LRP8: variants seen among roughly 807,000 people sequenced by gnomAD.
The protein encoded by LRP8 is LDL receptor related protein 8, also known as low-density lipoprotein receptor-related protein 8.
A neutral mutation model predicts 111.6 loss-of-function variants in LRP8; 46 were observed. That is an observed-to-expected ratio of 0.41 (90% confidence interval 0.33 to 0.53). The LOEUF is 0.53. Among genes scored for constraint, LRP8 ranks in the 20% least tolerant of loss-of-function variants. LRP8 has a pLI of 0.20. For synonymous variants in LRP8, 464 were observed against 511.2 expected (o/e 0.91, Z 1.24); for missense variants, 959 against 1,297.4 (o/e 0.74, Z 4.01).
chr1:53,251,233 A>G (rs1286424906), intron 16 of LRP8, among the ~76,000 whole-genome samples: 1 of 152,150 alleles, frequency 6.6e-6, no homozygotes, highest in Non-Finnish European at 1.5e-5. Flanking sequence ...CCCAGTTCCT[A>G]GCACTGACTA....
intron 4 of LRP8, 28 bp from the exon 5 acceptor site, chr1:53,277,106 C>A: frequency 6.9e-7 from 1 of 1,453,466 alleles, no homozygotes; most frequent in Non-Finnish European, 9.0e-7. Context: ...CCGGTCGGCC[C>A]GCCGACCCCC....
chr1:53,251,484 A>T (rs892121560), intron 16 of LRP8, among the ~76,000 whole-genome samples: 9 of 151,828 alleles, frequency 5.9e-5, no homozygotes, highest in Admixed American at 5.9e-4. Flanking sequence ...GACTATGTTA[A>T]TGATTAAAGG....
chr1:53,262,352 T>C lies in LRP8; in HGVS notation c.1774+94A>G. ...TTAGGAAACAAAGTCACTGGCACCA[T>C]GAGAGGACCCAGAAACAAGACTCAT... is the stretch of plus-strand genomic sequence containing the variant. On this transcript the variant is annotated intron_variant, in intron 11 of 18. Transcript: ENST00000306052. This position sits in a 1 kb window ranked among gnomAD's most constrained non-coding sequence, Gnocchi z 4.8. 6.6e-7 allele frequency: 1 copy of C among 1,514,678 alleles called. No individual in the cohort carries two copies. The highest frequency in any genetic ancestry group is 9.1e-7 in the Non-Finnish European group (1 of 1,096,632). 93.8% of individuals were successfully genotyped at this position (1,514,678 alleles called of 1,614,324 possible).
Position 53,246,418 on chromosome 1 carries a change from A to AC in LRP8, c.*599dup, listed in dbSNP as rs1444959025. 1.3e-5 allele frequency: 2 copies of AC among 152,308 alleles called. No homozygotes were observed. The highest frequency in any genetic ancestry group is 2.9e-5 in the Non-Finnish European group (2 of 68,150). The allele number at this position is 152,308 out of a possible 1,614,324, so 9.4% of individuals were successfully genotyped here. A position where few individuals can be genotyped will look rare whatever the true frequency, so the allele number is the denominator to read the frequency against. On this transcript the variant is annotated 3_prime_UTR_variant, in exon 19 of 19. Coordinates refer to ENST00000306052, the MANE Select transcript of LRP8 (RefSeq NM_004631.5). ...CACATACACATATAAACACACACAT[A>AC]CACACACAGAGTCTGTGTGGTGGGC...
chr1:53,314,583 G>A (rs921169182), intron 2 of LRP8, among the ~76,000 whole-genome samples: 4 of 152,210 alleles, frequency 2.6e-5, no homozygotes, highest in African/African-American at 9.7e-5. Flanking sequence ...GAGAGGGCAG[G>A]AGAGCTGCAG....
At chr1:53,274,245 A>G (rs1646847857) in intron 6 of LRP8, among the ~76,000 whole-genome samples, 1 of 152,202 alleles carries the variant, frequency 6.6e-6, no homozygotes, top group South Asian at 2.1e-4. Flanking sequence ...CCACACAGGT[A>G]TGGCCTGAGC....
intron 3 of LRP8, among the ~76,000 whole-genome samples, chr1:53,282,850 T>G (rs1434481408): frequency 6.6e-6 from 1 of 152,096 alleles, no homozygotes; most frequent in Non-Finnish European, 1.5e-5. Context: ...GTGATACAGA[T>G]GTTCCATACA....
chr1:53,264,157 T>C lies in LRP8; in HGVS notation c.1655+12A>G. On this transcript the variant is annotated intron_variant, in intron 10 of 18. Transcript: ENST00000306052. The stretch of plus-strand genomic sequence containing the variant: ...ATGGTGGGAGAATGGGAAGTTCAGT[T>C]GGGACACTCACCCTCGCAGGGGGTC... 1 of 1,613,206 alleles carries C rather than the reference T, an allele frequency of 6.2e-7. No individual in the cohort carries two copies. The highest frequency in any genetic ancestry group is 1.7e-5 in the Admixed American group (1 of 59,982).
rs1654332825 is a variant in LRP8, at chr1:53,320,267, T to C, written c.244+6606A>G. On this transcript the variant is annotated intron_variant, in intron 2 of 18. Coordinates refer to ENST00000306052, the MANE Select transcript of LRP8 (RefSeq NM_004631.5). ...TCAGGAGCCCAAAGCCCTTCGGTAC[T>C]GCAAAAGGCTTGTGTCCACCCCTCA... 3.3e-5 allele frequency among the ~76,000 whole-genome samples: 5 copies of C among 152,196 alleles called. No individual in the cohort carries two copies. The South Asian group carries it at 8.3e-4, about 25-fold the overall frequency.
At chr1:53,314,357 C>T (rs572486536) in intron 2 of LRP8, among the ~76,000 whole-genome samples, 97 of 152,252 alleles carry the variant, frequency 6.4e-4, no homozygotes, top group Non-Finnish European at 1.3e-3. Flanking sequence ...AATGTGCACG[C>T]CACCAGGCCC....
chr1:53,298,707 G>A (rs930787439), intron 2 of LRP8, among the ~76,000 whole-genome samples: 13 of 152,304 alleles, frequency 8.5e-5, no homozygotes, highest in African/African-American at 3.1e-4. Flanking sequence ...GTGGAAACGT[G>A]GCCTCCTCTG....
chr1:53,289,479 T>C (rs12035577), intron 3 of LRP8, 88 bp downstream of exon 3: 611,433 of 1,488,672 alleles, frequency 0.41, 129,635 homozygotes, highest in East Asian at 0.61. Flanking sequence ...TTCAACTGGT[T>C]ACCTCTCCTG....
intron 9 of LRP8, among the ~76,000 whole-genome samples, chr1:53,265,554 T>A (rs1646520703): frequency 6.6e-6 from 1 of 152,208 alleles, no homozygotes; most frequent in African/African-American, 2.4e-5. Flanking sequence ...ATCAGCCCCA[T>A]ATCTAGTCTG....
chr1:53,326,871 A>C lies in LRP8; in HGVS notation c.244+2T>G. On this transcript the variant is annotated splice_donor_variant, in intron 2 of 18. Transcript: ENST00000306052. LOFTEE classifies it high-confidence loss of function. ...GTCTGAGCTCCCTGGCCCGCCACTCACGGCAGTCGTCCTCGTCGCTGTGGT... is the reference window on the plus strand; with the variant it reads ...GTCTGAGCTCCCTGGCCCGCCACTCCCGGCAGTCGTCCTCGTCGCTGTGGT... 6.2e-7 allele frequency: 1 copy of C among 1,611,538 alleles called. No individual in the cohort carries two copies. The highest frequency in any genetic ancestry group is 8.5e-7 in the Non-Finnish European group (1 of 1,179,050).
Position 53,250,541 on chromosome 1 carries a change from GGGAA to G in LRP8, c.2676+145_2676+148del. 1.5e-6 allele frequency: 1 copy of G among 646,254 alleles called. No individual in the cohort carries two copies. The allele number at this position is 646,254 out of a possible 1,614,324, so 40.0% of individuals were successfully genotyped here. A position where few individuals can be genotyped will look rare whatever the true frequency, so the allele number is the denominator to read the frequency against. ...AGGAAAGAAAAAAGACAGGGAGGGA[GGGAA>G]GGACGGAAGGAAAGGAGGGAGGGAA... On this transcript the variant is annotated intron_variant, in intron 17 of 18. Coordinates refer to ENST00000306052, the MANE Select transcript of LRP8 (RefSeq NM_004631.5). This position sits in a 1 kb window ranked among gnomAD's most constrained non-coding sequence, Gnocchi z 4.6.
intron 2 of LRP8, among the ~76,000 whole-genome samples, chr1:53,310,163 G>C (rs1322719745): frequency 6.6e-6 from 1 of 151,922 alleles, no homozygotes; most frequent in Non-Finnish European, 1.5e-5. Flanking sequence ...TTGGTGTCAG[G>C]GATCCATTTG....
At chr1:53,263,269 T>C (rs1301210435) in intron 10 of LRP8, among the ~76,000 whole-genome samples, 1 of 152,200 alleles carries the variant, frequency 6.6e-6, no homozygotes, top group Non-Finnish European at 1.5e-5. Flanking sequence ...AGTTCTGTGC[T>C]GGAAGCACCT....
At chr1:53,248,911 G>C (rs2100334572) in intron 18 of LRP8, among the ~76,000 whole-genome samples, 1 of 152,356 alleles carries the variant, frequency 6.6e-6, no homozygotes, top group East Asian at 1.9e-4. Context: ...AATGGGGGTT[G>C]TTATTCTCAT....
chr1:53,281,269 A>G (rs1647100816), intron 3 of LRP8, among the ~76,000 whole-genome samples: 1 of 152,234 alleles, frequency 6.6e-6, no homozygotes, highest in Non-Finnish European at 1.5e-5. Flanking sequence ...CAGCTGCTGC[A>G]TGGCAGGGCC....
Sources: gnomAD v4.1 joint callset for allele counts (sites outside exome capture counted in the v4.1 genomes callset) on GRCh38, gnomAD v4.1.1 for gene constraint, Gnocchi (gnomAD v3.1) non-coding constraint, MANE v1.5 for transcripts, NCBI Gene and HGNC (gene_info 2026-07-23, HGNC 2026-07-21) for gene names.